The following CDH13 variants were observed in gnomAD, a reference collection of about 807,000 sequenced individuals.
CDH13 encodes cadherin 13, also known as cadherin-13.
In CDH13, 24 loss-of-function variants were observed where a neutral mutation model predicts 63.8. The ratio of observed to expected loss-of-function variants is 0.38; its 90% confidence interval spans 0.27 to 0.53. The LOEUF is 0.53. Ranked by LOEUF, CDH13 falls within the 20% of genes least tolerant of loss-of-function variation. CDH13 has a pLI of 0.85. For missense variants in CDH13, 1,049 were observed against 903.1 expected, an observed-to-expected ratio of 1.16 and a Z score of -2.07; for synonymous variants, 503 against 355.3, an observed-to-expected ratio of 1.42 and a Z score of -4.67.
At position 82,844,240 on chromosome 16, in the gene CDH13, G is replaced by C. The variant is rs115764174; in HGVS notation, c.46-14122G>C. Among the ~76,000 whole-genome samples, 1,232 of 152,258 alleles carry C rather than the reference G, an allele frequency of 8.1e-3. 13 individuals carry two copies. Among genetic ancestry groups the C allele is most frequent in the African/African-American group, 0.026 (1,073 of 41,522 alleles). ...TGAGAAGAGGCCATGCTGCTGGCTT[G>C]AATGAAGAAGGAGGCTGTGAACTAA... On this transcript the variant is annotated intron_variant, in intron 1 of 13. Transcript: ENST00000567109.
chr16:83,305,289 G>C (rs1426781435), intron 5 of CDH13, among the ~76,000 whole-genome samples: 3 of 152,216 alleles, frequency 2.0e-5, no homozygotes, highest in Admixed American at 6.5e-5. Context: ...GCAGGGGAGT[G>C]AGGAAATTCC....
At chr16:83,093,722 G>T (rs1019748234) in intron 3 of CDH13, among the ~76,000 whole-genome samples, 1 of 152,152 alleles carries the variant, frequency 6.6e-6, no homozygotes, top group Non-Finnish European at 1.5e-5. Flanking sequence ...AATTTGCTAG[G>T]CGCTTGTACC....
At chr16:83,664,735 A>C (rs1484810166) in intron 8 of CDH13, among the ~76,000 whole-genome samples, 2 of 152,084 alleles carry the variant, frequency 1.3e-5, no homozygotes, top group Non-Finnish European at 2.9e-5. Flanking sequence ...CATTTACTGA[A>C]ATGACCGTTA....
intron 7 of CDH13, among the ~76,000 whole-genome samples, chr16:83,598,475 A>T (rs1907478975): frequency 6.6e-6 from 1 of 152,246 alleles, no homozygotes; most frequent in Non-Finnish European, 1.5e-5. Flanking sequence ...TCATAAAATG[A>T]TAGGAATACT....
intron 5 of CDH13, among the ~76,000 whole-genome samples, chr16:83,275,619 G>C (rs540707876): frequency 6.6e-6 from 1 of 152,030 alleles, no homozygotes; most frequent in Non-Finnish European, 1.5e-5. Flanking sequence ...TTTTCCTCCT[G>C]GCATTAGTAA....
At chr16:82,891,041 T>G (rs113288042) in intron 2 of CDH13, among the ~76,000 whole-genome samples, 271 of 63,202 alleles carry the variant, frequency 4.3e-3, no homozygotes, top group African/African-American at 0.018. Context: ...AGGAGGGTTT[T>G]TTTTTTTTTT....
chr16:83,200,454 T>C (rs1044442502), intron 4 of CDH13, among the ~76,000 whole-genome samples: 5 of 152,204 alleles, frequency 3.3e-5, no homozygotes, highest in African/African-American at 1.2e-4. Flanking sequence ...GCTGTGCTCA[T>C]CTTACACAGA....
chr16:82,707,879 G>A lies in CDH13; in HGVS notation c.45+80742G>A, dbSNP rs559643245. Among the ~76,000 whole-genome samples, 18 of 152,258 alleles carry A rather than the reference G, an allele frequency of 1.2e-4. No individual in the cohort carries two copies. The South Asian group carries it at 1.7e-3, about 14-fold the overall frequency. The stretch of plus-strand genomic sequence containing the variant: ...ACCCAAAGAAAGGAGCATATGTGTC[G>A]GTTAGGGAAAGACCAAGCTTCCATA... On this transcript the variant is annotated intron_variant, in intron 1 of 13. Coordinates refer to ENST00000567109, the MANE Select transcript of CDH13 (RefSeq NM_001257.5).
At chr16:83,146,727 A>G (rs766070624) in intron 4 of CDH13, among the ~76,000 whole-genome samples, 16 of 152,208 alleles carry the variant, frequency 1.1e-4, no homozygotes, top group Non-Finnish European at 2.4e-4. Flanking sequence ...GAGTTTGGTT[A>G]TCAAAGGACA....
chr16:83,021,953 G>A (rs76070317), intron 2 of CDH13, among the ~76,000 whole-genome samples: 6,196 of 152,292 alleles, frequency 0.041, 194 homozygotes, highest in East Asian at 0.094. Context: ...GGAATTGAAC[G>A]TATGTTAATG....
chr16:83,798,182 C>A lies in CDH13; in HGVS notation c.*3152C>A, dbSNP rs1195821033. ...TGGAACAACCATCTACCATCACACTCATAGAGTAGCTCAAATTGCATTTTA... is the reference window on the plus strand; with the variant it reads ...TGGAACAACCATCTACCATCACACTAATAGAGTAGCTCAAATTGCATTTTA... On this transcript the variant is annotated 3_prime_UTR_variant, in exon 14 of 14. Coordinates refer to ENST00000567109, the MANE Select transcript of CDH13 (RefSeq NM_001257.5). The A allele has an allele frequency of 6.6e-6, 1 of 152,208 alleles. No individual in the cohort carries two copies. The highest frequency in any genetic ancestry group is 1.5e-5 in the Non-Finnish European group (1 of 68,032). The allele number at this position is 152,208 out of a possible 1,614,324, so 9.4% of individuals were successfully genotyped here.
At chr16:83,500,810 C>G (rs1236266729) in intron 7 of CDH13, among the ~76,000 whole-genome samples, 2 of 151,650 alleles carry the variant, frequency 1.3e-5, no homozygotes, top group Admixed American at 1.3e-4. Flanking sequence ...AAACTCCTGA[C>G]CTCAGGCGAT....
chr16:83,298,064 GAAA>G (rs1179844705), intron 5 of CDH13, among the ~76,000 whole-genome samples: 3 of 141,140 alleles, frequency 2.1e-5, no homozygotes, highest in Admixed American at 7.1e-5. Flanking sequence ...AAAAAAAAAA[GAAA>G]AAGAAAAAGA....
At chr16:82,669,482 T>C (rs1280104527) in intron 1 of CDH13, among the ~76,000 whole-genome samples, 1 of 152,248 alleles carries the variant, frequency 6.6e-6, no homozygotes, top group African/African-American at 2.4e-5. Context: ...AGTACGGACT[T>C]AATTGTAATT....
chr16:82,776,542 C>G (rs1308465481), intron 1 of CDH13, among the ~76,000 whole-genome samples: 2 of 152,152 alleles, frequency 1.3e-5, no homozygotes, highest in Non-Finnish European at 2.9e-5. Context: ...GTGCAGACAA[C>G]CTGCAAATAT....
At chr16:83,188,497 C>T (rs555146701) in intron 4 of CDH13, among the ~76,000 whole-genome samples, 7 of 152,210 alleles carry the variant, frequency 4.6e-5, no homozygotes, top group African/African-American at 1.2e-4. Flanking sequence ...AAGCCAGCCT[C>T]GCTGCCCATC....
intron 10 of CDH13, among the ~76,000 whole-genome samples, chr16:83,699,787 G>A (rs985514450): frequency 6.6e-6 from 1 of 152,076 alleles, no homozygotes; most frequent in Non-Finnish European, 1.5e-5. Context: ...GAAAGCCCTC[G>A]ATTTTCCATC....
At chr16:83,291,388 C>G (rs892465502) in intron 5 of CDH13, among the ~76,000 whole-genome samples, 1 of 152,096 alleles carries the variant, frequency 6.6e-6, no homozygotes, top group Non-Finnish European at 1.5e-5. Flanking sequence ...CCCCACCTCA[C>G]TCCCAGCTTC....
intron 2 of CDH13, among the ~76,000 whole-genome samples, chr16:82,955,690 T>C (rs1905977532): frequency 6.6e-6 from 1 of 152,024 alleles, no homozygotes; most frequent in African/African-American, 2.4e-5. Flanking sequence ...TAGAGAAAAA[T>C]AAACTTTGAA....
Sources: allele counts gnomAD v4.1 joint callset (sites outside exome capture counted in the v4.1 genomes callset), GRCh38; gene constraint gnomAD v4.1.1; transcripts MANE v1.5; gene names NCBI Gene and HGNC (gene_info 2026-07-23, HGNC 2026-07-21).